Variants in COL19A1 observed in about 807,000 individuals in gnomAD.
COL19A1 encodes collagen alpha-1(XIX) chain.
COL19A1 carries 159 observed loss-of-function variants against 190.2 expected under a neutral mutation model. The ratio of observed to expected loss-of-function variants is 0.84; its 90% CI spans 0.73 to 0.95. COL19A1 has a LOEUF of 0.95. Among genes scored for constraint, COL19A1 ranks in the 40% least tolerant of loss-of-function variants. The pLI, the probability that COL19A1 is intolerant of heterozygous loss-of-function variation, is 0.00. For missense variants in COL19A1, 1,418 were observed against 1,431.9 expected, an observed-to-expected ratio of 0.99 and a Z score of 0.16; for synonymous variants, 509 against 458.9, an observed-to-expected ratio of 1.11 and a Z score of -1.39.
intron 3 of COL19A1, 63 bp downstream of exon 3, chr6:69,899,085 T>C: frequency 1.9e-6 from 2 of 1,034,158 alleles, no homozygotes; most frequent in Non-Finnish European, 3.0e-6. Context: ...ATGCTAGATA[T>C]GGAATACATT....
intron 2 of COL19A1, 67 bp downstream of exon 2, chr6:69,879,725 T>A: frequency 1.4e-6 from 2 of 1,418,190 alleles, no homozygotes; most frequent in South Asian, 2.4e-5. Context: ...TTAAAACAAA[T>A]CTTGTTAAGA....
chr6:70,028,093 AG>A (rs1392302192), intron 12 of COL19A1, among the ~76,000 whole-genome samples: 3 of 152,142 alleles, frequency 2.0e-5, no homozygotes, highest in Admixed American at 1.3e-4. Flanking sequence ...TTCCCCTCTG[AG>A]GGGTTCAGTC....
intron 14 of COL19A1, among the ~76,000 whole-genome samples, chr6:70,037,550 C>T (rs953086947): frequency 4.6e-5 from 7 of 152,118 alleles, no homozygotes; most frequent in Non-Finnish European, 8.8e-5. Flanking sequence ...TTCTCTTTAA[C>T]TAAGTTACAT....
intron 7 of COL19A1, among the ~76,000 whole-genome samples, chr6:69,935,687 G>T (rs1336627608): frequency 2.0e-5 from 3 of 150,250 alleles, no homozygotes; most frequent in Admixed American, 6.7e-5. Context: ...AATTATCAAA[G>T]AATTCAACTA....
At chr6:69,917,874 C>A (rs1040004440) in intron 4 of COL19A1, among the ~76,000 whole-genome samples, 1 of 152,062 alleles carries the variant, frequency 6.6e-6, no homozygotes, top group Non-Finnish European at 1.5e-5. Flanking sequence ...AAGTTTACAA[C>A]TTTGTGTTTG....
chr6:69,924,259 C>A (rs1378859023), intron 4 of COL19A1, among the ~76,000 whole-genome samples: 1 of 152,026 alleles, frequency 6.6e-6, no homozygotes, highest in Non-Finnish European at 1.5e-5. Flanking sequence ...CCCTTCCCCC[C>A]ACCCCATGAC....
At chr6:70,140,176 G>C (rs1272008784) in intron 19 of COL19A1, among the ~76,000 whole-genome samples, 3 of 151,948 alleles carry the variant, frequency 2.0e-5, no homozygotes, top group Non-Finnish European at 2.9e-5. Context: ...ACTCTCAGAG[G>C]ATACCAAAAT....
chr6:70,137,362 T>G (rs1452671112), intron 18 of COL19A1, among the ~76,000 whole-genome samples: 1 of 152,194 alleles, frequency 6.6e-6, no homozygotes, highest in Non-Finnish European at 1.5e-5. Flanking sequence ...AAAATTGGTT[T>G]TGGCACACCA....
intron 15 of COL19A1, among the ~76,000 whole-genome samples, chr6:70,070,949 A>T (rs555018839): frequency 6.6e-6 from 1 of 152,284 alleles, no homozygotes; most frequent in South Asian, 2.1e-4. Context: ...GTGGTTGACC[A>T]AGAAGGTATT....
At chr6:70,079,137 T>C (rs146047123) in intron 15 of COL19A1, among the ~76,000 whole-genome samples, 25 of 152,246 alleles carry the variant, frequency 1.6e-4, no homozygotes, top group Middle Eastern at 3.4e-3. Context: ...ACCAGTGAAA[T>C]GGCTGATGGG....
intron 14 of COL19A1, among the ~76,000 whole-genome samples, chr6:70,038,809 G>A (rs1186570090): frequency 1.3e-5 from 2 of 152,158 alleles, no homozygotes; most frequent in Non-Finnish European, 2.9e-5. Flanking sequence ...TGGTCACAAA[G>A]GCTTAGCACC....
chr6:70,023,528 A>G (rs1778556214), intron 11 of COL19A1, 99 bp from the exon 12 acceptor site: 1 of 922,420 alleles, frequency 1.1e-6, no homozygotes, highest in African/African-American at 1.7e-5. Flanking sequence ...TAGCAAAGTA[A>G]TCATATTGTT....
At chr6:70,206,474 C>CA (rs34108701) in intron 49 of COL19A1, among the ~76,000 whole-genome samples, 47 of 151,416 alleles carry the variant, frequency 3.1e-4, no homozygotes, top group African/African-American at 9.0e-4. Flanking sequence ...ACTAAAAATA[C>CA]AAAAAAAATA....
intron 4 of COL19A1, among the ~76,000 whole-genome samples, chr6:69,919,513 T>G (rs546358788): frequency 6.6e-6 from 1 of 152,060 alleles, no homozygotes; most frequent in East Asian, 1.9e-4. Context: ...TACAGAAAAC[T>G]TTTAGGTTTT....
chr6:70,149,748 T>A lies in COL19A1; in HGVS notation c.1929+9T>A. ...GAGAGCCAGGTATTCAGGTAAGCTA[T>A]TTAACTAATTTTTTAGCACAGCAAA... is the stretch of plus-strand genomic sequence containing the variant. On this transcript the variant is annotated intron_variant, in intron 28 of 50. Transcript: ENST00000620364. 1 of 1,613,626 alleles carries A rather than the reference T, an allele frequency of 6.2e-7. No individual in the cohort carries two copies. The highest frequency in any genetic ancestry group is 8.5e-7 in the Non-Finnish European group (1 of 1,179,758).
At chr6:69,890,999 A>G (rs763777858) in intron 2 of COL19A1, 1 of 324,712 alleles carries the variant, frequency 3.1e-6, no homozygotes, top group Non-Finnish European at 6.3e-6. Flanking sequence ...GGCCTATCTA[A>G]GGGTTCCTAG....
chr6:69,978,259 A>T (rs1280947934), intron 11 of COL19A1, among the ~76,000 whole-genome samples: 1 of 152,080 alleles, frequency 6.6e-6, no homozygotes, highest in African/African-American at 2.4e-5. Context: ...ATATATAGAG[A>T]GAGAGAAAGA....
Position 70,102,179 on chromosome 6 carries a change from G to A in COL19A1, c.1235G>A (p.Gly412Glu). 6.2e-7 allele frequency: 1 copy of A among 1,612,516 alleles called. No individual in the cohort carries two copies. Among genetic ancestry groups the A allele is most frequent in the Non-Finnish European group, 8.5e-7 (1 of 1,178,688 alleles). The change falls in exon 16 of 51, where the codon GGG (glycine) becomes GAG (glutamate). Residue 412 changes from glycine (G) to glutamate (E), a missense_variant. By Grantham distance (98) the Gly-to-Glu change is moderately conservative. Coordinates refer to ENST00000620364, the MANE Select transcript of COL19A1 (RefSeq NM_001858.6). ...PGKEGQRGRR[G>E]KTGPPGKPGP... ...TTCTTTGGTTTCAAGGGAAGACGAG[G>A]GAAAACAGGACCTCCCGGAAAACCA...
At position 69,926,744 on chromosome 6, in the gene COL19A1, G is replaced by T. The variant is rs533676423; in HGVS notation, c.267-1165G>T. Among the ~76,000 whole-genome samples, 13 of 152,142 alleles carry T rather than the reference G, an allele frequency of 8.5e-5. No individual in the cohort carries two copies. In the South Asian group the frequency reaches 2.3e-3, roughly 27 times the overall value. On this transcript the variant is annotated intron_variant, in intron 4 of 50. Transcript: ENST00000620364. ...GCAAATTCCTCAAATTTGGTAAAAG[G>T]TATTAACTTATACATTCAGGAAGCT...
Sources: gnomAD v4.1 joint callset for allele counts (sites outside exome capture counted in the v4.1 genomes callset) on GRCh38, gnomAD v4.1.1 for gene constraint, MANE v1.5 for transcripts, NCBI Gene and HGNC (gene_info 2026-07-23, HGNC 2026-07-21) for gene names.